Variants in XKR9 observed in about 807,000 individuals in gnomAD.
The protein encoded by XKR9 is XK-related protein 9.
In XKR9, 32 loss-of-function variants were observed where a neutral mutation model predicts 32.0. That is an observed-to-expected ratio of 1.00 (90% CI 0.76 to 1.34). The LOEUF is 1.34. Among genes scored for constraint, XKR9 ranks in the 40% most tolerant of loss-of-function variants. The probability of loss-of-function intolerance (pLI) is 0.00; values close to 1 mark genes in which losing one functional copy is unlikely to be tolerated. For synonymous variants in XKR9, 168 were observed against 143.4 expected, an observed-to-expected ratio of 1.17 and a Z score of -1.22; for missense variants, 546 against 429.7, an observed-to-expected ratio of 1.27 and a Z score of -2.39.
chr8:71,054,442 G>C, the XKR9 span, among the ~76,000 whole-genome samples: 3 of 152,148 alleles, frequency 2.0e-5, no homozygotes, highest in African/African-American at 7.2e-5. Context: ...TTTTCACTCT[G>C]ATAACATCTC....
At chr8:70,700,573 G>T (rs1586830874) in intron 3 of XKR9, among the ~76,000 whole-genome samples, 2 of 152,310 alleles carry the variant, frequency 1.3e-5, no homozygotes, top group South Asian at 2.1e-4. Flanking sequence ...CCAGCCATGT[G>T]AGGTGTCAGT....
At chr8:70,938,759 C>T in the XKR9 span, among the ~76,000 whole-genome samples, 1 of 152,036 alleles carries the variant, frequency 6.6e-6, no homozygotes, top group Non-Finnish European at 1.5e-5. Context: ...TTGATGGGTT[C>T]TTCCAGCTGG....
At chr8:70,831,703 T>C in the XKR9 span, among the ~76,000 whole-genome samples, 1 of 152,222 alleles carries the variant, frequency 6.6e-6, no homozygotes, top group Non-Finnish European at 1.5e-5. Context: ...CATAGATGTT[T>C]AGATCCAGGA....
the XKR9 span, among the ~76,000 whole-genome samples, chr8:70,972,835 C>A: frequency 7.2e-5 from 11 of 152,056 alleles, no homozygotes; most frequent in Non-Finnish European, 1.5e-4. Flanking sequence ...GGTGGATCGT[C>A]TTTTTGATAT....
intron 2 of XKR9, among the ~76,000 whole-genome samples, chr8:70,777,804 T>C (rs1023125346): frequency 6.6e-6 from 1 of 151,078 alleles, no homozygotes; most frequent in Admixed American, 6.6e-5. Flanking sequence ...TTGATGAGGT[T>C]TTTTTTTCTT....
At chr8:70,966,008 G>T in the XKR9 span, among the ~76,000 whole-genome samples, 1 of 152,154 alleles carries the variant, frequency 6.6e-6, no homozygotes, top group Admixed American at 6.5e-5. Flanking sequence ...TGCGATCTTA[G>T]GTTGCTGATT....
chr8:70,739,243 G>C (rs1204181094), downstream of XKR9, among the ~76,000 whole-genome samples: 1 of 152,062 alleles, frequency 6.6e-6, no homozygotes, highest in Non-Finnish European at 1.5e-5. Context: ...TGTCTCTTTT[G>C]ATGTTTGTTG....
chr8:70,698,011 C>G (rs1586826910), intron 3 of XKR9, among the ~76,000 whole-genome samples: 1 of 152,252 alleles, frequency 6.6e-6, no homozygotes, highest in African/African-American at 2.4e-5. Flanking sequence ...GTTTGTATTT[C>G]TGTGGGATCG....
At chr8:70,824,498 A>G in the XKR9 span, among the ~76,000 whole-genome samples, 2 of 152,046 alleles carry the variant, frequency 1.3e-5, no homozygotes, top group Non-Finnish European at 2.9e-5. Flanking sequence ...GCCTTTTACT[A>G]CTTCAGGAGG....
intron 4 of XKR9, among the ~76,000 whole-genome samples, chr8:70,727,447 C>T (rs900459503): frequency 6.6e-6 from 1 of 151,872 alleles, no homozygotes; most frequent in Non-Finnish European, 1.5e-5. Context: ...GTCACCCAGG[C>T]TGGAGTGCAG....
the XKR9 span, among the ~76,000 whole-genome samples, chr8:70,811,568 G>T: frequency 6.6e-6 from 1 of 151,566 alleles, no homozygotes; most frequent in African/African-American, 2.4e-5. Flanking sequence ...AAGAAAAGAG[G>T]GAAGAATCAA....
At chr8:70,698,284 C>G (rs2132152361) in intron 3 of XKR9, among the ~76,000 whole-genome samples, 1 of 152,154 alleles carries the variant, frequency 6.6e-6, no homozygotes, top group South Asian at 2.1e-4. Context: ...GTTAGGGTGT[C>G]AATTTTTGAT....
At chr8:71,016,957 C>T in the XKR9 span, among the ~76,000 whole-genome samples, 2 of 151,938 alleles carry the variant, frequency 1.3e-5, no homozygotes, top group East Asian at 1.9e-4. Flanking sequence ...GGAAAAAGTA[C>T]GTATTTGTTG....
At chr8:70,961,953 G>T in the XKR9 span, among the ~76,000 whole-genome samples, 1 of 152,126 alleles carries the variant, frequency 6.6e-6, no homozygotes, top group Non-Finnish European at 1.5e-5. Context: ...GCTTTGGTCT[G>T]AAATGGTCCA....
chr8:70,796,183 AAGT>A, the XKR9 span, among the ~76,000 whole-genome samples: 1 of 152,004 alleles, frequency 6.6e-6, no homozygotes, highest in Non-Finnish European at 1.5e-5. Context: ...ATAGTACAAG[AAGT>A]AGTTTTTCAA....
intron 4 of XKR9, among the ~76,000 whole-genome samples, chr8:70,719,347 G>T (rs1335594870): frequency 1.3e-5 from 2 of 152,066 alleles, no homozygotes; most frequent in African/African-American, 2.4e-5. Flanking sequence ...TGTAGCAATT[G>T]CTTTTGGTGT....
intron 1 of XKR9, 102 bp downstream of exon 1, chr8:70,669,640 A>T (rs78200118): frequency 0.033 from 2,033 of 62,492 alleles, 49 homozygotes; most frequent in African/African-American, 0.1. Context: ...GTGTGTGTGT[A>T]GTAGTAGTAG....
intron 2 of XKR9, among the ~76,000 whole-genome samples, chr8:70,765,209 A>G (rs535983202): frequency 5.2e-4 from 79 of 152,306 alleles, no homozygotes; most frequent in African/African-American, 1.9e-3. Context: ...ACTCCCACCA[A>G]CAGTGTAAAA....
At chr8:70,998,875 A>G in the XKR9 span, among the ~76,000 whole-genome samples, 1 of 152,170 alleles carries the variant, frequency 6.6e-6, no homozygotes, top group South Asian at 2.1e-4. Context: ...TGTCTGTGGA[A>G]GATTGATTCC....
Sources: allele counts gnomAD v4.1 joint callset (sites outside exome capture counted in the v4.1 genomes callset), GRCh38; gene constraint gnomAD v4.1.1; transcripts MANE v1.5; gene names NCBI Gene and HGNC (gene_info 2026-07-23, HGNC 2026-07-21).